The following SEMA3A variants were observed in gnomAD, a reference collection of about 807,000 sequenced individuals.
SEMA3A encodes the protein semaphorin 3A.
A neutral mutation model predicts 97.9 loss-of-function variants in SEMA3A; 29 were observed. That is an observed-to-expected ratio of 0.30 (90% CI 0.22 to 0.40). The LOEUF is 0.40. Among genes scored for constraint, SEMA3A ranks in the 10% least tolerant of loss-of-function variants. SEMA3A has a pLI of 1.00. For missense variants in SEMA3A, 763 were observed against 951.3 expected, an observed-to-expected ratio of 0.80 and a Z score of 2.60; for synonymous variants, 321 against 323.7, an observed-to-expected ratio of 0.99 and a Z score of 0.09.
At chr7:84,053,333 A>C (rs1308029682) in intron 5 of SEMA3A, among the ~76,000 whole-genome samples, 1 of 105,528 alleles carries the variant, frequency 9.5e-6, no homozygotes, top group Non-Finnish European at 2.2e-5. Context: ...CCCATTATTA[A>C]TGTGTGGGAG....
intron 4 of SEMA3A, among the ~76,000 whole-genome samples, chr7:84,101,836 A>G (rs1482557787): frequency 6.6e-6 from 1 of 152,082 alleles, no homozygotes; most frequent in African/African-American, 2.4e-5. Context: ...GTGAAATGAG[A>G]CTAGTCTAAA....
In SEMA3A at chr7:84,420,111, T is replaced by C. The variant is rs371594027; in HGVS notation, c.-245-48211A>G. Among the ~76,000 whole-genome samples the C allele has an allele frequency of 1.4e-3, 217 of 152,032 alleles. 12 individuals are homozygous for C. Among genetic ancestry groups the C allele is most frequent in the African/African-American group, 2.3e-3 (96 of 41,498 alleles). ...GAGAATCTTGTTCCCAGAATTTTCA[T>C]AGGATTCAAATATTCAGATTTGGAT... On this transcript the variant is annotated intron_variant, in intron 1 of 3. Coordinates refer to the SEMA3A transcript ENST00000424555.
At chr7:84,058,982 G>A (rs556455331) in intron 5 of SEMA3A, among the ~76,000 whole-genome samples, 5 of 152,210 alleles carry the variant, frequency 3.3e-5, no homozygotes, top group Non-Finnish European at 7.4e-5. Flanking sequence ...AATCAAGCAA[G>A]TCCCTACTGA....
chr7:84,309,402 T>C (rs749017123), intron 2 of SEMA3A, among the ~76,000 whole-genome samples: 1 of 152,058 alleles, frequency 6.6e-6, no homozygotes, highest in Non-Finnish European at 1.5e-5. Context: ...AAGCAGACAA[T>C]AGTGATGAGG....
chr7:84,168,922 G>C (rs1034505839), intron 1 of SEMA3A, among the ~76,000 whole-genome samples: 1 of 151,470 alleles, frequency 6.6e-6, no homozygotes, highest in Non-Finnish European at 1.5e-5. Context: ...GTTCTTGAGG[G>C]TTCAAGTTTG....
intron 15 of SEMA3A, among the ~76,000 whole-genome samples, chr7:83,972,068 T>TATACAC (rs1490952639): frequency 6.6e-6 from 1 of 151,906 alleles, no homozygotes; most frequent in African/African-American, 2.4e-5. Context: ...CATACATATA[T>TATACAC]ATACACATAC....
intron 1 of SEMA3A, among the ~76,000 whole-genome samples, chr7:84,485,546 T>C (rs1015841679): frequency 4.6e-5 from 7 of 152,008 alleles, no homozygotes; most frequent in African/African-American, 2.4e-5. Flanking sequence ...AATATTTATA[T>C]TTGCTTTTTG....
intron 1 of SEMA3A, among the ~76,000 whole-genome samples, chr7:84,453,457 C>T (rs527890263): frequency 5.9e-5 from 9 of 152,052 alleles, no homozygotes; most frequent in East Asian, 1.9e-4. Flanking sequence ...AGGATGGTCT[C>T]GATCTCCTGA....
At chr7:84,409,621 T>C (rs1026736699) in intron 1 of SEMA3A, among the ~76,000 whole-genome samples, 1 of 152,112 alleles carries the variant, frequency 6.6e-6, no homozygotes, top group Non-Finnish European at 1.5e-5. Context: ...CATCCATAGA[T>C]ACAAAATAGC....
intron 4 of SEMA3A, among the ~76,000 whole-genome samples, chr7:84,073,879 A>G (rs1350159412): frequency 6.7e-6 from 1 of 149,442 alleles, no homozygotes; most frequent in Non-Finnish European, 1.5e-5. Context: ...AAAAAAAAAA[A>G]AGCTAAAAAA....
chr7:84,445,136 A>AT lies in SEMA3A; in HGVS notation c.-246+47323dup, dbSNP rs200330762. Among the ~76,000 whole-genome samples the AT allele has an allele frequency of 2.0e-3, 311 of 152,166 alleles. 4 individuals carry two copies. Among genetic ancestry groups the AT allele is most frequent in the Admixed American group, 0.014 (213 of 15,266 alleles). The stretch of plus-strand genomic sequence containing the variant: ...CACATTTAGTTTCTAAATAATATGC[A>AT]TTTTCCATGAACATTCTGAAGTCAC... On this transcript the variant is annotated intron_variant, in intron 1 of 3. Transcript: ENST00000424555.
intron 4 of SEMA3A, among the ~76,000 whole-genome samples, chr7:84,071,534 G>GT (rs1208112528): frequency 1.3e-5 from 2 of 152,050 alleles, no homozygotes; most frequent in Non-Finnish European, 2.9e-5. Flanking sequence ...CATTCTTCAT[G>GT]TATTTGGAGT....
At chr7:84,184,641 C>T (rs35815557) in intron 1 of SEMA3A, among the ~76,000 whole-genome samples, 9,496 of 151,066 alleles carry the variant, frequency 0.063, 334 homozygotes, top group African/African-American at 0.092. Context: ...TTGCAATATA[C>T]TTCAAACCTG....
At chr7:84,103,242 T>C (rs1465219549) in intron 4 of SEMA3A, among the ~76,000 whole-genome samples, 1 of 152,140 alleles carries the variant, frequency 6.6e-6, no homozygotes, top group Non-Finnish European at 1.5e-5. Flanking sequence ...CTTCATACCA[T>C]GAACTCTGGC....
intron 1 of SEMA3A, among the ~76,000 whole-genome samples, chr7:84,427,118 A>G (rs1804847292): frequency 6.6e-6 from 1 of 152,066 alleles, no homozygotes; most frequent in South Asian, 2.1e-4. Context: ...TATTATAATA[A>G]ATACCATCCC....
rs190067623 is a variant in SEMA3A at position 84,210,512 on chromosome 7, G to A, written c.-82-15844C>T. Among the ~76,000 whole-genome samples, 26 of 152,224 alleles carry A rather than the reference G, an allele frequency of 1.7e-4. 1 individual carries two copies. The highest frequency in any genetic ancestry group is 1.6e-3 in the Admixed American group (24 of 15,296). Reference sequence around the variant, plus strand: ...GTATAAATTGCAAATAAATAGGAGAGAAAAGAGAAATCAGCAGGGGCCTAA... The same window carrying A: ...GTATAAATTGCAAATAAATAGGAGAAAAAAGAGAAATCAGCAGGGGCCTAA... On this transcript the variant is annotated intron_variant, in intron 3 of 3. Transcript: ENST00000424555.
chr7:84,282,966 A>T (rs1218491015), intron 3 of SEMA3A, among the ~76,000 whole-genome samples: 1 of 152,098 alleles, frequency 6.6e-6, no homozygotes, highest in African/African-American at 2.4e-5. Context: ...GCGAACAGAG[A>T]TCACACCACT....
chr7:84,307,753 A>T (rs1190455169), intron 2 of SEMA3A, among the ~76,000 whole-genome samples: 1 of 152,192 alleles, frequency 6.6e-6, no homozygotes, highest in Non-Finnish European at 1.5e-5. Flanking sequence ...TTTCACTTTA[A>T]CAAAAGCTTT....
intron 1 of SEMA3A, among the ~76,000 whole-genome samples, chr7:84,378,168 A>C (rs951034178): frequency 5.3e-5 from 8 of 152,148 alleles, no homozygotes; most frequent in African/African-American, 1.9e-4. Context: ...TGGGTAAATG[A>C]AGTTATCCAT....
Sources: allele counts gnomAD v4.1 joint callset (sites outside exome capture counted in the v4.1 genomes callset), GRCh38; gene constraint gnomAD v4.1.1; transcripts MANE v1.5; gene names NCBI Gene and HGNC (gene_info 2026-07-23, HGNC 2026-07-21).